The following USP46 variants were observed in gnomAD, a reference collection of about 807,000 sequenced individuals.
The protein encoded by USP46 is ubiquitin carboxyl-terminal hydrolase 46.
Under a neutral mutation model 44.4 loss-of-function variants are expected in USP46, and 12 were observed. The ratio of observed to expected loss-of-function variants is 0.27; its 90% CI spans 0.17 to 0.44. The LOEUF (loss-of-function observed/expected upper bound fraction) is 0.44. USP46 is among the 20% of genes least tolerant of loss of function. The probability of loss-of-function intolerance (pLI) is 1.00; values close to 1 mark genes in which losing one functional copy is unlikely to be tolerated. For synonymous variants in USP46, 155 were observed against 161.5 expected, an observed-to-expected ratio of 0.96 and a Z score of 0.31; for missense variants, 248 against 444.8, an observed-to-expected ratio of 0.56 and a Z score of 3.98.
At chr4:52,641,507 C>T (rs960233268) in intron 1 of USP46, among the ~76,000 whole-genome samples, 5 of 152,054 alleles carry the variant, frequency 3.3e-5, no homozygotes, top group African/African-American at 1.2e-4. Flanking sequence ...TGTTTTGAAG[C>T]AATTTACAAG....
At chr4:52,628,888 C>T (rs1037558958) in intron 2 of USP46, among the ~76,000 whole-genome samples, 1 of 152,152 alleles carries the variant, frequency 6.6e-6, no homozygotes, top group African/African-American at 2.4e-5. Context: ...TAGGGCCCAC[C>T]CAGTAACATT....
chr4:52,628,330 G>A, intron 2 of USP46, 167 bp from the exon 3 acceptor site: 1 of 602,100 alleles, frequency 1.7e-6, no homozygotes, highest in South Asian at 2.3e-5. Context: ...CTAAACACCA[G>A]TGACCATCTG....
At chr4:52,598,846 T>A in intron 7 of USP46, 140 bp from the exon 8 acceptor site, 1 of 729,178 alleles carries the variant, frequency 1.4e-6, no homozygotes, top group Non-Finnish European at 2.3e-6. Context: ...ATAGCTCATG[T>A]CTATGTTTAC....
Position 52,590,978 on chromosome 4 carries a change from TCAAA to T in USP46, c.*6658_*6661del, listed in dbSNP as rs1019931879. On this transcript the variant is annotated 3_prime_UTR_variant, in exon 9 of 9. Transcript: ENST00000441222. ...GAAGCCATTTCTCTTCAAAGAGTTT[TCAAA>T]CAATTTATTTCACAGGAGAGGTGGA... 3 of 152,202 alleles carry T rather than the reference TCAAA, an allele frequency of 2.0e-5. No individual in the cohort carries two copies. Among genetic ancestry groups the T allele is most frequent in the African/African-American group, 7.2e-5 (3 of 41,448 alleles). 9.4% of individuals were successfully genotyped at this position (152,202 alleles called of 1,614,324 possible).
intron 6 of USP46, among the ~76,000 whole-genome samples, chr4:52,603,621 G>A (rs1056391549): frequency 1.3e-5 from 2 of 152,164 alleles, no homozygotes; most frequent in Non-Finnish European, 2.9e-5. Context: ...TCCAAGAACT[G>A]TAACTGTCTA....
intron 4 of USP46, among the ~76,000 whole-genome samples, chr4:52,613,691 T>C (rs544039883): frequency 1.2e-4 from 17 of 144,480 alleles, no homozygotes; most frequent in Non-Finnish European, 2.2e-4. Context: ...CACTGCACTC[T>C]AGCCTGGGTG....
At chr4:52,644,918 G>A (rs140952933) in intron 1 of USP46, among the ~76,000 whole-genome samples, 138 of 152,094 alleles carry the variant, frequency 9.1e-4, no homozygotes, top group African/African-American at 3.0e-3. Context: ...TTAGCCGGGC[G>A]TGGTGGCACG....
chr4:52,648,218 A>T (rs150056524), intron 1 of USP46, among the ~76,000 whole-genome samples: 3 of 152,200 alleles, frequency 2.0e-5, no homozygotes, highest in African/African-American at 7.2e-5. Context: ...CATCATCTAC[A>T]AAGTAGTTCA....
chr4:52,602,192 A>G (rs939660129), intron 6 of USP46, 138 bp from the exon 7 acceptor site: 2 of 954,894 alleles, frequency 2.1e-6, no homozygotes, highest in African/African-American at 3.3e-5. Flanking sequence ...GTTTGCAAGG[A>G]TAAAAGTATG....
At chr4:52,632,424 C>G (rs553729886) in intron 1 of USP46, among the ~76,000 whole-genome samples, 3 of 152,272 alleles carry the variant, frequency 2.0e-5, no homozygotes, top group South Asian at 4.1e-4. Flanking sequence ...TGGACTCTAT[C>G]ATCATTCTAG....
intron 4 of USP46, 55 bp from the exon 5 acceptor site, chr4:52,610,672 C>T: frequency 1.3e-6 from 2 of 1,539,884 alleles, no homozygotes. Flanking sequence ...GTAGATAAAA[C>T]TTTGAACATG....
chr4:52,633,611 C>A (rs980755355), intron 1 of USP46, among the ~76,000 whole-genome samples: 3 of 152,014 alleles, frequency 2.0e-5, no homozygotes, highest in African/African-American at 4.8e-5. Flanking sequence ...GCTTAGAGCC[C>A]GGGAGGAATG....
chr4:52,644,216 A>T (rs1718452671), intron 1 of USP46, among the ~76,000 whole-genome samples: 1 of 152,216 alleles, frequency 6.6e-6, no homozygotes, highest in Admixed American at 6.5e-5. Context: ...GCCAAGGTCA[A>T]GTGTTAGCAT....
In USP46 at chr4:52,604,397, C is replaced by A; in HGVS notation, c.722+104G>T. On this transcript the variant is annotated intron_variant, in intron 6 of 8. Coordinates refer to ENST00000441222, the MANE Select transcript of USP46 (RefSeq NM_022832.4). Reference sequence around the variant, plus strand: ...TGACTTCCCCAAGGCTCCATGGCTACAAGCCCAGGTAGCTGAGATTGATTC... The same window carrying A: ...TGACTTCCCCAAGGCTCCATGGCTAAAAGCCCAGGTAGCTGAGATTGATTC... The A allele has an allele frequency of 2.2e-6, 2 of 915,890 alleles. 1 individual carries two copies. Among genetic ancestry groups the A allele is most frequent in the East Asian group, 5.3e-5 (2 of 37,922 alleles). 56.7% of individuals were successfully genotyped at this position (915,890 alleles called of 1,614,324 possible).
rs1374073040 is a variant in USP46 at position 52,594,235 on chromosome 4, A to T, written c.*3405T>A. The T allele has an allele frequency of 6.6e-6, 1 of 152,204 alleles. No homozygotes were observed. Among genetic ancestry groups the T allele is most frequent in the Non-Finnish European group, 1.5e-5 (1 of 68,032 alleles). 9.4% of individuals were successfully genotyped at this position (152,204 alleles called of 1,614,324 possible). A position where few individuals can be genotyped will look rare whatever the true frequency, so the allele number is the denominator to read the frequency against. ...ATTTTAGAGGCAGGGTGTTAAACTG[A>T]TTAAAATTTCACAAGATTGACATTA... On this transcript the variant is annotated 3_prime_UTR_variant, in exon 9 of 9. Coordinates refer to ENST00000441222, the MANE Select transcript of USP46 (RefSeq NM_022832.4).
intron 4 of USP46, among the ~76,000 whole-genome samples, chr4:52,614,795 C>G (rs1352026924): frequency 6.6e-6 from 1 of 152,178 alleles, no homozygotes; most frequent in Non-Finnish European, 1.5e-5. Flanking sequence ...AAAGGCATAA[C>G]ACTGTCCTGT....
chr4:52,613,584 C>T (rs776615063), intron 4 of USP46, among the ~76,000 whole-genome samples: 4 of 151,536 alleles, frequency 2.6e-5, no homozygotes, highest in Non-Finnish European at 4.4e-5. Flanking sequence ...TAGCTGGGTG[C>T]GGTGGCAGGC....
chr4:52,612,795 A>G (rs1429297713), intron 4 of USP46, among the ~76,000 whole-genome samples: 3 of 152,266 alleles, frequency 2.0e-5, no homozygotes, highest in African/African-American at 7.2e-5. Flanking sequence ...TGCATGAGTT[A>G]TAATAACAAA....
At chr4:52,643,102 A>G (rs955431731) in intron 1 of USP46, among the ~76,000 whole-genome samples, 1 of 152,240 alleles carries the variant, frequency 6.6e-6, no homozygotes, top group Admixed American at 6.5e-5. Context: ...ATCCAAAGAA[A>G]GCTGCAGAAT....
Sources: gnomAD v4.1 joint callset for allele counts (sites outside exome capture counted in the v4.1 genomes callset) on GRCh38, gnomAD v4.1.1 for gene constraint, MANE v1.5 for transcripts, NCBI Gene and HGNC (gene_info 2026-07-23, HGNC 2026-07-21) for gene names.